The following UVRAG variants were observed in gnomAD, a reference collection of about 807,000 sequenced individuals.
UVRAG encodes the protein UV radiation resistance associated, also known as UV radiation resistance-associated gene protein.
UVRAG carries 19 observed loss-of-function variants against 78.0 expected under a neutral mutation model. That is an observed-to-expected ratio of 0.24 (90% CI 0.17 to 0.36). The LOEUF is 0.36. Ranked by LOEUF, UVRAG falls within the 10% of genes least tolerant of loss-of-function variation. The probability of loss-of-function intolerance (pLI) is 1.00; values close to 1 mark genes in which losing one functional copy is unlikely to be tolerated. For missense variants in UVRAG, 740 were observed against 853.8 expected, an observed-to-expected ratio of 0.87 and a Z score of 1.66; for synonymous variants, 323 against 324.6, an observed-to-expected ratio of 1.00 and a Z score of 0.05.
At chr11:76,026,991 A>C (rs1302652755) in intron 12 of UVRAG, among the ~76,000 whole-genome samples, 2 of 152,092 alleles carry the variant, frequency 1.3e-5, no homozygotes, top group African/African-American at 2.4e-5. Flanking sequence ...AAGTCCATGC[A>C]GAATTGTAGA....
intron 1 of UVRAG, among the ~76,000 whole-genome samples, chr11:75,829,067 T>G (rs116941215): frequency 0.014 from 2,197 of 151,946 alleles, 25 homozygotes; most frequent in Middle Eastern, 0.037. Flanking sequence ...GAATTTCTTT[T>G]TGGTTTCTTT....
intron 13 of UVRAG, among the ~76,000 whole-genome samples, chr11:76,085,201 G>A (rs1951567152): frequency 6.6e-6 from 1 of 151,498 alleles, no homozygotes; most frequent in South Asian, 2.1e-4. Context: ...AGTTACTAAT[G>A]TGATTTATCA....
chr11:76,024,319 T>A (rs1950293449), intron 12 of UVRAG, among the ~76,000 whole-genome samples: 1 of 152,138 alleles, frequency 6.6e-6, no homozygotes, highest in Middle Eastern at 3.2e-3. Flanking sequence ...ATTTATTAAT[T>A]GATTGGTTGA....
chr11:76,085,694 A>G (rs1237031811), intron 13 of UVRAG, among the ~76,000 whole-genome samples: 1 of 152,144 alleles, frequency 6.6e-6, no homozygotes, highest in African/African-American at 2.4e-5. Context: ...ACTTTATTAT[A>G]TATACATCTG....
At chr11:76,106,926 GGGCTGATTA>G (rs773997227) in intron 13 of UVRAG, among the ~76,000 whole-genome samples, 139,706 of 152,152 alleles carry the variant, frequency 0.92, 64,577 homozygotes, top group African/African-American at 0.97. Flanking sequence ...CTTCTTTGAT[GGGCTGATTA>G]AACTGATTAA....
chr11:76,091,174 G>A (rs1951689383), intron 13 of UVRAG, among the ~76,000 whole-genome samples: 1 of 152,166 alleles, frequency 6.6e-6, no homozygotes. Flanking sequence ...TTAAGATTTT[G>A]AAATCATTGT....
chr11:75,938,123 A>T (rs1463583832), intron 6 of UVRAG, among the ~76,000 whole-genome samples: 1 of 151,322 alleles, frequency 6.6e-6, no homozygotes, highest in Non-Finnish European at 1.5e-5. Context: ...CTCATTTCAG[A>T]CATCATGATT....
chr11:75,952,715 T>G (rs539425874), intron 6 of UVRAG, among the ~76,000 whole-genome samples: 1 of 152,268 alleles, frequency 6.6e-6, no homozygotes, highest in Non-Finnish European at 1.5e-5. Context: ...TTTTTGCATT[T>G]ATGTTCATGT....
chr11:76,056,770 T>G (rs1174808848), intron 12 of UVRAG, among the ~76,000 whole-genome samples: 1 of 152,166 alleles, frequency 6.6e-6, no homozygotes, highest in Non-Finnish European at 1.5e-5. Context: ...GCATATTATG[T>G]CTAGTTATCT....
chr11:75,834,487 C>G (rs1251469979), intron 1 of UVRAG, among the ~76,000 whole-genome samples: 1 of 152,128 alleles, frequency 6.6e-6, no homozygotes, highest in Admixed American at 6.6e-5. Flanking sequence ...CATGCATGCC[C>G]TTGCAACTAA....
intron 14 of UVRAG, among the ~76,000 whole-genome samples, chr11:76,129,336 C>T (rs770887311): frequency 1.3e-5 from 2 of 152,212 alleles, no homozygotes; most frequent in African/African-American, 2.4e-5. Context: ...ACAGCCTTCT[C>T]CTGGTTTTCT....
intron 1 of UVRAG, among the ~76,000 whole-genome samples, chr11:75,847,416 T>C (rs1004976731): frequency 5.9e-5 from 9 of 152,072 alleles, no homozygotes; most frequent in Non-Finnish European, 1.3e-4. Context: ...TATGAGCCAC[T>C]GTGCCCAGCC....
chr11:76,007,285 A>C lies in UVRAG; in HGVS notation c.912-249A>C, dbSNP rs139496404. ...ATTATGGGAGTGAGCCACCACTCCC[A>C]GCCCCCTTTACATTTCTTAGCATGG... On this transcript the variant is annotated intron_variant, in intron 9 of 14. Transcript: ENST00000356136. Among the ~76,000 whole-genome samples the C allele has an allele frequency of 4.9e-3, 739 of 152,162 alleles. 6 individuals are homozygous for C. The highest frequency in any genetic ancestry group is 0.017 in the African/African-American group (714 of 41,500).
rs145825390 is a variant in UVRAG, at chr11:76,024,965, C to T, written c.1226+7985C>T. On this transcript the variant is annotated intron_variant, in intron 12 of 14. Coordinates refer to ENST00000356136, the MANE Select transcript of UVRAG (RefSeq NM_003369.4). The stretch of plus-strand genomic sequence containing the variant: ...GGCCCTAGGAATTTTCAGCCTCTCC[C>T]CTCTCTGATTATCTATCTCATCTGG... Among the ~76,000 whole-genome samples the T allele has an allele frequency of 2.8e-4, 42 of 152,242 alleles. 1 individual carries two copies. The East Asian group carries it at 7.1e-3, about 26-fold the overall frequency.
At chr11:75,974,663 G>A (rs1454925680) in intron 7 of UVRAG, among the ~76,000 whole-genome samples, 17 of 152,064 alleles carry the variant, frequency 1.1e-4, no homozygotes, top group African/African-American at 1.7e-4. Context: ...ACCGCGCCCG[G>A]CCAAATGTCT....
intron 3 of UVRAG, among the ~76,000 whole-genome samples, chr11:75,876,068 C>T (rs557188224): frequency 2.6e-5 from 4 of 152,260 alleles, no homozygotes; most frequent in African/African-American, 9.6e-5. Context: ...TTGTATAGAT[C>T]CGTCATGGCT....
chr11:76,143,011 T>G lies in UVRAG; in HGVS notation c.*1598T>G, dbSNP rs1213354118. 6.6e-6 allele frequency: 1 copy of G among 152,216 alleles called. No homozygotes were observed. Among genetic ancestry groups the G allele is most frequent in the Non-Finnish European group, 1.5e-5 (1 of 68,034 alleles). The allele number at this position is 152,216 out of a possible 1,614,324, so 9.4% of individuals were successfully genotyped here. On this transcript the variant is annotated 3_prime_UTR_variant, in exon 15 of 15. Transcript: ENST00000356136. ...CTCTCAGGCAGTCGAAAGCTTTAAC[T>G]GGATCTGCAGAAGCCCATCTTCCTC...
At chr11:75,867,182 G>A (rs192099188) in intron 3 of UVRAG, among the ~76,000 whole-genome samples, 1 of 152,074 alleles carries the variant, frequency 6.6e-6, no homozygotes, top group East Asian at 1.9e-4. Flanking sequence ...TTGAAGTTTG[G>A]CATTTATAGA....
rs1329595629 is a variant in UVRAG, at chr11:75,851,972, C to T, written c.207C>T (p.His69=). ...TCCTTGATACCTACTTTACACTTCACTTGTGTAGTACTGAAAAGATATATA... is the reference window on the plus strand; with the variant it reads ...TCCTTGATACCTACTTTACACTTCATTTGTGTAGTACTGAAAAGATATATA... ...HQLLDTYFTL[H]LCSTEKIYKE... The change falls in exon 2 of 15, where the codon CAC becomes CAT. Residue 69 remains histidine (H), a synonymous_variant. Coordinates refer to ENST00000356136, the MANE Select transcript of UVRAG (RefSeq NM_003369.4). 2 of 1,611,638 alleles carry T rather than the reference C, an allele frequency of 1.2e-6. No individual in the cohort carries two copies. Among genetic ancestry groups the T allele is most frequent in the Admixed American group, 1.7e-5 (1 of 59,966 alleles).
Sources: gnomAD v4.1 joint callset for allele counts (sites outside exome capture counted in the v4.1 genomes callset) on GRCh38, gnomAD v4.1.1 for gene constraint, MANE v1.5 for transcripts, NCBI Gene and HGNC (gene_info 2026-07-23, HGNC 2026-07-21) for gene names.